CWC27: variants seen among roughly 807,000 people sequenced by gnomAD.
The protein encoded by CWC27 is CWC27 spliceosome associated cyclophilin, also known as spliceosome-associated protein CWC27 homolog.
A neutral mutation model predicts 63.6 loss-of-function variants in CWC27; 47 were observed. The observed-to-expected ratio is 0.74, with a 90% CI of 0.58 to 0.94. CWC27 has a LOEUF of 0.94. CWC27 is among the 40% of genes least tolerant of loss of function. The pLI, the probability that CWC27 is intolerant of heterozygous loss-of-function variation, is 0.00. For missense variants in CWC27, 495 were observed against 554.3 expected, an observed-to-expected ratio of 0.89 and a Z score of 1.07; for synonymous variants, 175 against 179.8, an observed-to-expected ratio of 0.97 and a Z score of 0.22.
At chr5:64,808,528 A>C (rs1310125720) in intron 10 of CWC27, 1 of 174,898 alleles carries the variant, frequency 5.7e-6, no homozygotes, top group East Asian at 1.9e-4. Flanking sequence ...TTGTAAATAC[A>C]TGAACAAAAA....
At chr5:64,966,945 A>G (rs1749026045) in intron 11 of CWC27, among the ~76,000 whole-genome samples, 1 of 152,036 alleles carries the variant, frequency 6.6e-6, no homozygotes, top group African/African-American at 2.4e-5. Flanking sequence ...GAAGTTGTTC[A>G]TTGGTTTGTT....
At chr5:64,841,878 C>T (rs1402389597) in intron 10 of CWC27, among the ~76,000 whole-genome samples, 1 of 152,030 alleles carries the variant, frequency 6.6e-6, no homozygotes, top group Admixed American at 6.6e-5. Context: ...TGGGGTTTCT[C>T]CATGTTGGTC....
intron 11 of CWC27, among the ~76,000 whole-genome samples, chr5:64,943,389 G>T (rs1357044775): frequency 1.3e-5 from 2 of 152,206 alleles, no homozygotes; most frequent in African/African-American, 2.4e-5. Flanking sequence ...ATGCAGTGAA[G>T]TTCCTTGCAT....
intron 10 of CWC27, among the ~76,000 whole-genome samples, chr5:64,827,595 T>A (rs546532424): frequency 1.3e-5 from 2 of 152,328 alleles, no homozygotes; most frequent in South Asian, 4.1e-4. Flanking sequence ...AGTTTCCTTA[T>A]TTTAAAACAG....
At chr5:64,892,232 T>G (rs1049413663) in intron 11 of CWC27, among the ~76,000 whole-genome samples, 1 of 152,220 alleles carries the variant, frequency 6.6e-6, no homozygotes, top group African/African-American at 2.4e-5. Flanking sequence ...GACAAGAGCC[T>G]TTAGCTATAT....
chr5:64,933,562 G>A (rs1417428673), intron 11 of CWC27, among the ~76,000 whole-genome samples: 22 of 148,426 alleles, frequency 1.5e-4, no homozygotes, highest in Non-Finnish European at 2.7e-4. Flanking sequence ...GCGCGATCTC[G>A]GCTCGCTGCA....
chr5:64,947,767 C>T (rs1748617975), intron 11 of CWC27, among the ~76,000 whole-genome samples: 1 of 151,950 alleles, frequency 6.6e-6, no homozygotes, highest in African/African-American at 2.4e-5. Context: ...AGAAATCTGG[C>T]ATTACATGTT....
At chr5:64,925,302 T>A (rs1365662758) in intron 11 of CWC27, among the ~76,000 whole-genome samples, 1 of 152,174 alleles carries the variant, frequency 6.6e-6, no homozygotes, top group Non-Finnish European at 1.5e-5. Context: ...TTTGTCTGCA[T>A]CACTTGATTC....
intron 11 of CWC27, among the ~76,000 whole-genome samples, chr5:64,891,195 G>A (rs61071512): frequency 0.37 from 56,735 of 151,934 alleles, 11,294 homozygotes; most frequent in East Asian, 0.52. Context: ...GATAGAGAAT[G>A]GGCAATGATT....
At chr5:64,906,488 A>G (rs960589803) in intron 11 of CWC27, among the ~76,000 whole-genome samples, 4 of 152,194 alleles carry the variant, frequency 2.6e-5, no homozygotes, top group South Asian at 2.1e-4. Context: ...GTGTCTGTTC[A>G]TATCCTTTGC....
chr5:64,821,662 C>T (rs1745199988), intron 10 of CWC27, among the ~76,000 whole-genome samples: 1 of 152,220 alleles, frequency 6.6e-6, no homozygotes, highest in Non-Finnish European at 1.5e-5. Flanking sequence ...GCTCTCTTTA[C>T]CATAGGATCA....
intron 7 of CWC27, among the ~76,000 whole-genome samples, chr5:64,793,798 T>G (rs1246776568): frequency 2.0e-5 from 3 of 152,182 alleles, no homozygotes. Context: ...GTATTAATCT[T>G]TATTCCAGAA....
chr5:64,935,066 T>A (rs1466269717), intron 11 of CWC27, among the ~76,000 whole-genome samples: 1 of 152,228 alleles, frequency 6.6e-6, no homozygotes, highest in Non-Finnish European at 1.5e-5. Flanking sequence ...CTGTTCACTC[T>A]GATGGTAGTT....
At chr5:64,904,920 G>C (rs1211737188) in intron 11 of CWC27, among the ~76,000 whole-genome samples, 1 of 152,092 alleles carries the variant, frequency 6.6e-6, no homozygotes, top group Non-Finnish European at 1.5e-5. Context: ...ATAAATATGG[G>C]CCAGGCACAG....
At chr5:64,809,179 A>G (rs1744790524) in intron 10 of CWC27, among the ~76,000 whole-genome samples, 3 of 152,178 alleles carry the variant, frequency 2.0e-5, no homozygotes, top group South Asian at 2.1e-4. Flanking sequence ...TAGTAATTGT[A>G]TATATTTATA....
intron 10 of CWC27, among the ~76,000 whole-genome samples, chr5:64,841,686 G>GT (rs1442422208): frequency 6.6e-6 from 1 of 151,982 alleles, no homozygotes; most frequent in Non-Finnish European, 1.5e-5. Flanking sequence ...TTTTGTTTTT[G>GT]TTTTTTGAGG....
chr5:64,795,638 T>C (rs1051912485), intron 7 of CWC27, among the ~76,000 whole-genome samples: 3 of 152,154 alleles, frequency 2.0e-5, no homozygotes, highest in Non-Finnish European at 4.4e-5. Context: ...TACTCTAAAA[T>C]TGACTCTATT....
chr5:64,930,671 T>A (rs187346108), intron 11 of CWC27, among the ~76,000 whole-genome samples: 8 of 152,252 alleles, frequency 5.3e-5, no homozygotes, highest in Admixed American at 5.2e-4. Context: ...AACAGTATAT[T>A]GGCATGATCA....
chr5:64,856,300 T>C (rs1026077662), intron 10 of CWC27, among the ~76,000 whole-genome samples: 5 of 152,110 alleles, frequency 3.3e-5, no homozygotes, highest in Non-Finnish European at 7.4e-5. Flanking sequence ...ATATTTCAAA[T>C]GTGAATAGTT....
Sources: gnomAD v4.1 joint callset for allele counts (sites outside exome capture counted in the v4.1 genomes callset) on GRCh38, gnomAD v4.1.1 for gene constraint, MANE v1.5 for transcripts, NCBI Gene and HGNC (gene_info 2026-07-23, HGNC 2026-07-21) for gene names.